The following BRWD1 variants were observed in gnomAD, a reference collection of about 807,000 sequenced individuals.
BRWD1 encodes the protein bromodomain and WD repeat-containing protein 1.
A neutral mutation model predicts 251.2 loss-of-function variants in BRWD1; 82 were observed. That is an observed-to-expected ratio of 0.33 (90% CI 0.27 to 0.39). The LOEUF (loss-of-function observed/expected upper bound fraction) is 0.39, where lower values mean the gene tolerates loss of function less well. BRWD1 is among the 10% of genes least tolerant of loss of function. The pLI, the probability that BRWD1 is intolerant of heterozygous loss-of-function variation, is 1.00. For synonymous variants in BRWD1, 918 were observed against 902.8 expected (o/e 1.02, Z -0.30); for missense variants, 2,233 against 2,711.6 (o/e 0.82, Z 3.92).
chr21:39,186,815 C>G lies in BRWD1; in HGVS notation c.*9444G>C, dbSNP rs1216719697. The G allele has an allele frequency of 1.7e-5, 12 of 715,116 alleles. No homozygotes were observed. Among genetic ancestry groups the G allele is most frequent in the Non-Finnish European group, 2.4e-5 (12 of 496,238 alleles). The allele number at this position is 715,116 out of a possible 1,614,324, so 44.3% of individuals were successfully genotyped here. On this transcript the variant is annotated 3_prime_UTR_variant, in exon 41 of 41. Transcript: ENST00000342449. Reference sequence around the variant, plus strand: ...TCTTTTCTTTCCACCTCTCCACCTACAGACTCTGCAATTTATTTCCTCCTC... The same window carrying G: ...TCTTTTCTTTCCACCTCTCCACCTAGAGACTCTGCAATTTATTTCCTCCTC...
In BRWD1 at chr21:39,194,465, T is replaced by A; in HGVS notation, c.*1794A>T. The A allele has an allele frequency of 3.6e-6, 5 of 1,379,134 alleles. No homozygotes were observed. The highest frequency in any genetic ancestry group is 4.7e-6 in the Non-Finnish European group (5 of 1,069,002). The allele number at this position is 1,379,134 out of a possible 1,614,324, so 85.4% of individuals were successfully genotyped here. A position where few individuals can be genotyped will look rare whatever the true frequency, so the allele number is the denominator to read the frequency against. On this transcript the variant is annotated 3_prime_UTR_variant, in exon 41 of 41. Transcript: ENST00000342449. ...GACAATTATCATGAATCAATCTGTT[T>A]ACTATCTACTTAACACAAGTTCTGA...
chr21:39,240,335 T>G (rs185940885), intron 21 of BRWD1, among the ~76,000 whole-genome samples: 259 of 152,302 alleles, frequency 1.7e-3, no homozygotes, highest in African/African-American at 6.0e-3. Context: ...ATTATAAATT[T>G]GTTAAAAAAT....
At chr21:39,320,603 G>C (rs562853626) in intron 1 of BRWD1, among the ~76,000 whole-genome samples, 1 of 151,528 alleles carries the variant, frequency 6.6e-6, no homozygotes. Flanking sequence ...CAAAGTGCTA[G>C]GATTATAGGT....
chr21:39,305,005 G>C (rs2036241656), intron 4 of BRWD1, among the ~76,000 whole-genome samples: 1 of 135,996 alleles, frequency 7.4e-6, no homozygotes, highest in Admixed American at 8.6e-5. Flanking sequence ...TGTCGCCCAG[G>C]CTGGAGTGCA....
Position 39,190,436 on chromosome 21 carries a change from C to G in BRWD1, c.*5823G>C. ...TGACTCAAAATGAAAACATACTAGCCTCTTTCATAAACTCCTAGAATCTTG... is the reference window on the plus strand; with the variant it reads ...TGACTCAAAATGAAAACATACTAGCGTCTTTCATAAACTCCTAGAATCTTG... On this transcript the variant is annotated 3_prime_UTR_variant, in exon 41 of 41. Transcript: ENST00000342449. 4.1e-6 allele frequency: 4 copies of G among 985,252 alleles called. No homozygotes were observed. Among genetic ancestry groups the G allele is most frequent in the Non-Finnish European group, 4.8e-6 (4 of 829,848 alleles). 61.0% of individuals were successfully genotyped at this position (985,252 alleles called of 1,614,324 possible). A position where few individuals can be genotyped will look rare whatever the true frequency, so the allele number is the denominator to read the frequency against.
chr21:39,272,092 G>C (rs969961637), intron 13 of BRWD1, among the ~76,000 whole-genome samples: 1 of 150,600 alleles, frequency 6.6e-6, no homozygotes, highest in Non-Finnish European at 1.5e-5. Flanking sequence ...ACAGAAGAGA[G>C]AATAATTCTA....
intron 31 of BRWD1, chr21:39,217,030 TATATAAATATATATATATA>T (rs2032939554): frequency 4.5e-4 from 9 of 19,970 alleles, no homozygotes; most frequent in East Asian, 1.4e-3. Flanking sequence ...TATATATATA[TATATAAATATATATATATA>T]TTTATATATA....
At chr21:39,214,276 C>A (rs1400891518) in intron 32 of BRWD1, among the ~76,000 whole-genome samples, 1 of 152,134 alleles carries the variant, frequency 6.6e-6, no homozygotes, top group Non-Finnish European at 1.5e-5. Context: ...AGTTTACATT[C>A]TTTGATTCTG....
rs201620095 is a variant in BRWD1, at chr21:39,196,950, G to T, written c.6119C>A (p.Ala2040Glu). 38 of 1,613,902 alleles carry T rather than the reference G, an allele frequency of 2.4e-5. No individual in the cohort carries two copies. In the Admixed American group the frequency reaches 6.0e-4, roughly 25 times the overall value. ...HRHTNIHKID[A>E]PSKRKSSSVT... ...AGAGGAACTTTTTCTTTTAGAAGGTGCATCTATTTTGTGAATATTGGTATG... is the reference window on the plus strand; with the variant it reads ...AGAGGAACTTTTTCTTTTAGAAGGTTCATCTATTTTGTGAATATTGGTATG... The change falls in exon 41 of 41, where the codon GCA (alanine) becomes GAA (glutamate). Residue 2040 changes from alanine to glutamate, a missense_variant. By Grantham distance (107) the Ala-to-Glu change is moderately radical. Transcript: ENST00000342449.
chr21:39,232,148 T>C (rs1341893373), intron 25 of BRWD1, 29 bp downstream of exon 25: 1 of 1,492,854 alleles, frequency 6.7e-7, no homozygotes, highest in Non-Finnish European at 9.3e-7. Context: ...GCTAAAATGT[T>C]TAATGATTTA....
At chr21:39,205,200 G>A (rs1035781573) in intron 37 of BRWD1, among the ~76,000 whole-genome samples, 20 of 152,184 alleles carry the variant, frequency 1.3e-4, no homozygotes, top group Admixed American at 8.5e-4. Flanking sequence ...CAGGCTGGGC[G>A]CAGTGGCTCA....
At position 39,193,899 on chromosome 21, in the gene BRWD1, G is replaced by A; in HGVS notation, c.*2360C>T. 1 of 985,350 alleles carries A rather than the reference G, an allele frequency of 1.0e-6. No individual in the cohort carries two copies. The highest frequency in any genetic ancestry group is 1.2e-6 in the Non-Finnish European group (1 of 829,640). 61.0% of individuals were successfully genotyped at this position (985,350 alleles called of 1,614,324 possible). A position where few individuals can be genotyped will look rare whatever the true frequency, so the allele number is the denominator to read the frequency against. Reference sequence around the variant, plus strand: ...GGAGTGTGTGTGTCACATATTCAAAGTTAACCTTAGGAATAGCACCATAAC... The same window carrying A: ...GGAGTGTGTGTGTCACATATTCAAAATTAACCTTAGGAATAGCACCATAAC... On this transcript the variant is annotated 3_prime_UTR_variant, in exon 41 of 41. Coordinates refer to ENST00000342449, the MANE Select transcript of BRWD1 (RefSeq NM_033656.4).
At chr21:39,213,674 G>T in intron 32 of BRWD1, 121 bp from the exon 33 acceptor site, 1 of 575,506 alleles carries the variant, frequency 1.7e-6, no homozygotes, top group Non-Finnish European at 3.0e-6. Context: ...TCAAACAGAG[G>T]AATATCAGGT....
intron 3 of BRWD1, 67 bp downstream of exon 3, chr21:39,313,005 C>T (rs1300203975): frequency 1.1e-5 from 12 of 1,093,088 alleles, no homozygotes; most frequent in Non-Finnish European, 1.3e-5. Context: ...GGGGCGCGGG[C>T]GAGCATCCCT....
intron 1 of BRWD1, 35 bp downstream of exon 1, chr21:39,313,408 C>G: frequency 6.9e-7 from 1 of 1,452,132 alleles, no homozygotes. Flanking sequence ...CAGCCGGGAG[C>G]GCCAGGGCGG....
At chr21:39,210,402 TAC>T (rs2032602931) in intron 35 of BRWD1, among the ~76,000 whole-genome samples, 1 of 152,310 alleles carries the variant, frequency 6.6e-6, no homozygotes, top group South Asian at 2.1e-4. Context: ...CCAAGCATCC[TAC>T]AGTCACTCTG....
Position 39,193,775 on chromosome 21 carries a change from A to G in BRWD1, c.*2484T>C. On this transcript the variant is annotated 3_prime_UTR_variant, in exon 41 of 41. Coordinates refer to ENST00000342449, the MANE Select transcript of BRWD1 (RefSeq NM_033656.4). ...ACACCTGTGCATTAAATCCCTGGGC[A>G]TTTTGCATAACGTAGAAAAAAAAGG... 1 of 985,496 alleles carries G rather than the reference A, an allele frequency of 1.0e-6. No homozygotes were observed. The highest frequency in any genetic ancestry group is 1.2e-6 in the Non-Finnish European group (1 of 829,668). The allele number at this position is 985,496 out of a possible 1,614,324, so 61.0% of individuals were successfully genotyped here. A position where few individuals can be genotyped will look rare whatever the true frequency, so the allele number is the denominator to read the frequency against.
chr21:39,264,335 A>C (rs1189394333), intron 17 of BRWD1, 125 bp downstream of exon 17: 1 of 659,990 alleles, frequency 1.5e-6, no homozygotes, highest in Non-Finnish European at 2.4e-6. Flanking sequence ...CAGAAAAAAA[A>C]TAATAAAACA....
chr21:39,252,112 C>CA (rs1349615104), intron 19 of BRWD1, among the ~76,000 whole-genome samples: 1 of 151,692 alleles, frequency 6.6e-6, no homozygotes, highest in African/African-American at 2.4e-5. Context: ...ACTAAAAATA[C>CA]AAAAAATTAG....
Sources: gnomAD v4.1 joint callset for allele counts (sites outside exome capture counted in the v4.1 genomes callset) on GRCh38, gnomAD v4.1.1 for gene constraint, MANE v1.5 for transcripts, NCBI Gene and HGNC (gene_info 2026-07-23, HGNC 2026-07-21) for gene names.